LUZP2: variants seen among roughly 807,000 people sequenced by gnomAD.
The protein encoded by LUZP2 is leucine zipper protein 2.
LUZP2 carries 52 observed loss-of-function variants against 51.6 expected under a neutral mutation model. The ratio of observed to expected loss-of-function variants is 1.01; its 90% confidence interval spans 0.81 to 1.27. The LOEUF is 1.27. Ranked by LOEUF, LUZP2 falls within the 50% of genes most tolerant of loss-of-function variation. The probability of loss-of-function intolerance (pLI) is 0.00; values close to 1 mark genes in which losing one functional copy is unlikely to be tolerated. For missense variants in LUZP2, 436 were observed against 395.4 expected (o/e 1.10, Z -0.87); for synonymous variants, 154 against 137.3 (o/e 1.12, Z -0.85).
At chr11:24,997,870 A>G (rs939299925) in intron 9 of LUZP2, among the ~76,000 whole-genome samples, 6 of 152,206 alleles carry the variant, frequency 3.9e-5, no homozygotes, top group Non-Finnish European at 7.3e-5. Flanking sequence ...CACTTATTAA[A>G]TAGGGAATCC....
intron 1 of LUZP2, among the ~76,000 whole-genome samples, chr11:24,695,854 C>T (rs1206222563): frequency 1.3e-5 from 2 of 150,618 alleles, no homozygotes; most frequent in African/African-American, 2.4e-5. Flanking sequence ...AGATAGCATT[C>T]GAGTGAAAAT....
chr11:24,967,464 T>C (rs559462395), intron 7 of LUZP2, among the ~76,000 whole-genome samples: 1 of 151,970 alleles, frequency 6.6e-6, no homozygotes, highest in African/African-American at 2.4e-5. Context: ...TCTGAATGCA[T>C]TTTTTCTCTT....
At chr11:24,717,029 A>C (rs1378586854) in intron 1 of LUZP2, among the ~76,000 whole-genome samples, 2 of 152,158 alleles carry the variant, frequency 1.3e-5, no homozygotes, top group African/African-American at 4.8e-5. Context: ...ATTAATTATA[A>C]AATAAAGAAG....
chr11:24,847,645 G>A (rs76291167), intron 5 of LUZP2, among the ~76,000 whole-genome samples: 3,212 of 152,096 alleles, frequency 0.021, 59 homozygotes, highest in Non-Finnish European at 0.028. Flanking sequence ...TGAGAAATAC[G>A]GGGTGGAGGG....
At chr11:24,884,580 T>G (rs752060002) in intron 5 of LUZP2, among the ~76,000 whole-genome samples, 3 of 152,044 alleles carry the variant, frequency 2.0e-5, no homozygotes, top group Admixed American at 6.6e-5. Flanking sequence ...ATGGCTGGCC[T>G]CAATGCACCT....
chr11:24,635,316 C>T (rs1396845342), intron 1 of LUZP2, among the ~76,000 whole-genome samples: 1 of 151,796 alleles, frequency 6.6e-6, no homozygotes, highest in Non-Finnish European at 1.5e-5. Flanking sequence ...AACACTTGAT[C>T]TTATCTTGAC....
intron 1 of LUZP2, among the ~76,000 whole-genome samples, chr11:24,602,157 T>C (rs1435054580): frequency 1.6e-5 from 2 of 125,314 alleles, no homozygotes; most frequent in Non-Finnish European, 3.3e-5. Context: ...TATGTATATA[T>C]GTATATATGT....
chr11:24,740,512 T>C (rs1859098815), intron 4 of LUZP2, among the ~76,000 whole-genome samples: 1 of 152,122 alleles, frequency 6.6e-6, no homozygotes, highest in Non-Finnish European at 1.5e-5. Context: ...CATAACTTAA[T>C]ATGTGCTTCA....
In LUZP2 at chr11:24,789,030, A is replaced by G. The variant is rs559043774; in HGVS notation, c.396+25722A>G. 4.4e-4 allele frequency among the ~76,000 whole-genome samples: 67 copies of G among 152,292 alleles called. 1 individual carries two copies. In the South Asian group the frequency reaches 8.1e-3, roughly 18 times the overall value. ...AAATTGATGCATAAACCTATCCATT[A>G]AACCCTGCTTTTTATTTCATCAAGA... On this transcript the variant is annotated intron_variant, in intron 5 of 11. Transcript: ENST00000336930.
intron 1 of LUZP2, among the ~76,000 whole-genome samples, chr11:24,502,551 T>C (rs1293792213): frequency 6.6e-6 from 1 of 151,866 alleles, no homozygotes; most frequent in African/African-American, 2.4e-5. Context: ...GCCCGGCTGA[T>C]TTTTTCGTAT....
At chr11:24,567,331 A>G (rs1373727672) in intron 1 of LUZP2, among the ~76,000 whole-genome samples, 1 of 152,114 alleles carries the variant, frequency 6.6e-6, no homozygotes, top group Non-Finnish European at 1.5e-5. Flanking sequence ...AAATAAACAG[A>G]GGCTTAATGA....
chr11:24,961,416 T>G (rs898972281), intron 7 of LUZP2, among the ~76,000 whole-genome samples: 2 of 152,182 alleles, frequency 1.3e-5, no homozygotes, highest in Non-Finnish European at 2.9e-5. Flanking sequence ...ACTTGCTTTA[T>G]GAATCTGGGT....
At chr11:24,674,169 A>G (rs568685881) in intron 1 of LUZP2, among the ~76,000 whole-genome samples, 3 of 152,264 alleles carry the variant, frequency 2.0e-5, no homozygotes, top group Admixed American at 1.3e-4. Context: ...TAGAGTGGGA[A>G]TTAGTAGACT....
At position 24,785,521 on chromosome 11, in the gene LUZP2, A is replaced by G. The variant is rs142848453; in HGVS notation, c.396+22213A>G. Among the ~76,000 whole-genome samples, 41 of 152,056 alleles carry G rather than the reference A, an allele frequency of 2.7e-4. No individual in the cohort carries two copies. The Middle Eastern group carries it at 0.01, about 38-fold the overall frequency. On this transcript the variant is annotated intron_variant, in intron 5 of 11. Coordinates refer to ENST00000336930, the MANE Select transcript of LUZP2 (RefSeq NM_001009909.4). ...ACATTGATACTTACTTGGGAATATT[A>G]ATGACATATTTATATTGTCATTATG...
At chr11:25,063,076 G>A (rs1037540534) in intron 10 of LUZP2, among the ~76,000 whole-genome samples, 15 of 150,448 alleles carry the variant, frequency 1.0e-4, no homozygotes, top group Admixed American at 2.7e-4. Flanking sequence ...TCTATCCCTG[G>A]GTTTTACATC....
intron 9 of LUZP2, among the ~76,000 whole-genome samples, chr11:24,984,247 C>T (rs111631400): frequency 8.6e-5 from 13 of 151,426 alleles, no homozygotes; most frequent in African/African-American, 2.9e-4. Flanking sequence ...TTACATCTGG[C>T]TTTCTTACTG....
At chr11:24,891,881 CA>C (rs1852866656) in intron 5 of LUZP2, 2 of 985,428 alleles carry the variant, frequency 2.0e-6, no homozygotes, top group African/African-American at 3.5e-5. Flanking sequence ...ATTTCCAATA[CA>C]AAAATCACAA....
intron 5 of LUZP2, among the ~76,000 whole-genome samples, chr11:24,887,894 G>C (rs772526564): frequency 4.6e-5 from 7 of 152,164 alleles, no homozygotes; most frequent in Non-Finnish European, 7.4e-5. Flanking sequence ...GCTTTCCACT[G>C]TGAGATGCAG....
intron 9 of LUZP2, among the ~76,000 whole-genome samples, chr11:24,992,302 C>A (rs1467248325): frequency 5.3e-5 from 8 of 151,966 alleles, no homozygotes; most frequent in Admixed American, 3.9e-4. Flanking sequence ...AAACAGTAGG[C>A]AAACATTTAT....
Sources: gnomAD v4.1 joint callset for allele counts (sites outside exome capture counted in the v4.1 genomes callset) on GRCh38, gnomAD v4.1.1 for gene constraint, MANE v1.5 for transcripts, NCBI Gene and HGNC (gene_info 2026-07-23, HGNC 2026-07-21) for gene names.